The following CSPP1 variants were observed in gnomAD, a reference collection of about 807,000 sequenced individuals.
CSPP1 encodes centrosome and spindle pole-associated protein 1.
CSPP1 carries 126 observed loss-of-function variants against 164.4 expected under a neutral mutation model. The ratio of observed to expected loss-of-function variants is 0.77; its 90% CI spans 0.66 to 0.89. The LOEUF (loss-of-function observed/expected upper bound fraction) is 0.89. Among genes scored for constraint, CSPP1 ranks in the 40% least tolerant of loss-of-function variants. CSPP1 has a pLI of 0.00. For missense variants in CSPP1, 1,395 were observed against 1,449.8 expected, an observed-to-expected ratio of 0.96 and a Z score of 0.61; for synonymous variants, 472 against 476.7, an observed-to-expected ratio of 0.99 and a Z score of 0.13.
chr8:67,130,603 A>G (rs1156789126), intron 15 of CSPP1, among the ~76,000 whole-genome samples: 1 of 152,218 alleles, frequency 6.6e-6, no homozygotes, highest in Non-Finnish European at 1.5e-5. Context: ...ATCCTAATAA[A>G]AGATTGTAAA....
intron 9 of CSPP1, among the ~76,000 whole-genome samples, chr8:67,110,056 G>A (rs564166785): frequency 9.6e-4 from 146 of 151,932 alleles, no homozygotes; most frequent in African/African-American, 3.4e-3. Flanking sequence ...TTCCCACCAT[G>A]AATATGCCTA....
intron 4 of CSPP1, among the ~76,000 whole-genome samples, chr8:67,087,151 C>T (rs1304887347): frequency 1.4e-5 from 2 of 143,214 alleles, no homozygotes; most frequent in Non-Finnish European, 3.0e-5. Context: ...TTTCAGCATG[C>T]AATTTTTTAT....
chr8:67,155,454 C>A (rs1242263639), intron 19 of CSPP1, among the ~76,000 whole-genome samples: 2 of 152,090 alleles, frequency 1.3e-5, no homozygotes, highest in Non-Finnish European at 2.9e-5. Flanking sequence ...CCTAATTATT[C>A]TTGACTCTTA....
At chr8:67,127,480 T>G (rs1171815461) in intron 15 of CSPP1, among the ~76,000 whole-genome samples, 3 of 152,184 alleles carry the variant, frequency 2.0e-5, no homozygotes, top group African/African-American at 7.2e-5. Context: ...CCTCCTGATC[T>G]CATCTAAACC....
chr8:67,139,725 C>T (rs2129555699), intron 17 of CSPP1, among the ~76,000 whole-genome samples: 1 of 152,270 alleles, frequency 6.6e-6, no homozygotes, highest in Non-Finnish European at 1.5e-5. Context: ...CCATCATTCT[C>T]AGCAAACTAT....
chr8:67,112,167 G>C, intron 10 of CSPP1, 102 bp downstream of exon 10: 1 of 607,570 alleles, frequency 1.6e-6, no homozygotes, highest in South Asian at 2.3e-5. Flanking sequence ...TATGATGTTT[G>C]ATTTGTAAAT....
chr8:67,140,948 T>C (rs1333342682), intron 17 of CSPP1, among the ~76,000 whole-genome samples: 3 of 152,212 alleles, frequency 2.0e-5, no homozygotes, highest in Non-Finnish European at 2.9e-5. Context: ...CTAACCTAAC[T>C]GCTTGGGAGG....
At chr8:67,097,938 C>A (rs921452302) in intron 7 of CSPP1, among the ~76,000 whole-genome samples, 1 of 151,018 alleles carries the variant, frequency 6.6e-6, no homozygotes. Flanking sequence ...ATTTTTATTT[C>A]GTTTTTATAT....
At chr8:67,085,476 CATGTT>C (rs1374589632) in intron 3 of CSPP1, among the ~76,000 whole-genome samples, 1 of 151,364 alleles carries the variant, frequency 6.6e-6, no homozygotes, top group East Asian at 1.9e-4. Flanking sequence ...TAAAAAAAAT[CATGTT>C]ATTAGTTTTC....
chr8:67,077,983 A>C (rs1197918238), intron 3 of CSPP1, among the ~76,000 whole-genome samples: 1 of 152,196 alleles, frequency 6.6e-6, no homozygotes, highest in Non-Finnish European at 1.5e-5. Flanking sequence ...ATATTGGTAA[A>C]ATTTTTTAAT....
intron 4 of CSPP1, 80 bp downstream of exon 4, chr8:67,086,190 A>G (rs775796126): frequency 1.6e-5 from 13 of 793,222 alleles, no homozygotes. Context: ...TATTAGTCAT[A>G]TGTGTTAATT....
chr8:67,117,232 T>C (rs1240631990), intron 13 of CSPP1, among the ~76,000 whole-genome samples: 1 of 152,214 alleles, frequency 6.6e-6, no homozygotes, highest in Non-Finnish European at 1.5e-5. Context: ...TTGACATTTT[T>C]GTTGATGTAT....
At chr8:67,194,236 T>C (rs1476146065) in intron 30 of CSPP1, among the ~76,000 whole-genome samples, 2 of 152,230 alleles carry the variant, frequency 1.3e-5, no homozygotes, top group Non-Finnish European at 2.9e-5. Context: ...ATATTGGTAA[T>C]AATAATAGTT....
At chr8:67,153,987 G>C (rs1176615063) in intron 18 of CSPP1, 37 bp from the exon 19 acceptor site, 2 of 896,046 alleles carry the variant, frequency 2.2e-6, no homozygotes, top group Non-Finnish European at 3.7e-6. Flanking sequence ...TCTAAGCATT[G>C]GCTAATAGTA....
chr8:67,083,548 A>AATATATATATATAT (rs55758408), intron 3 of CSPP1: 5 of 91,496 alleles, frequency 5.5e-5, no homozygotes, highest in African/African-American at 2.2e-4. Flanking sequence ...AAAAAAAAAA[A>AATATATATATATAT]ATATATATAT....
intron 29 of CSPP1, among the ~76,000 whole-genome samples, 175 bp from the exon 30 acceptor site, chr8:67,193,289 G>T (rs1287207962): frequency 6.6e-6 from 1 of 152,116 alleles, no homozygotes; most frequent in Non-Finnish European, 1.5e-5. Flanking sequence ...TAGAGATGGG[G>T]TTTCACCATG....
In CSPP1 at chr8:67,118,316, A is replaced by G. The variant is rs1373341523; in HGVS notation, c.1565A>G (p.Asp522Gly). The G allele has an allele frequency of 1.2e-6, 2 of 1,613,456 alleles. No homozygotes were observed. The highest frequency in any genetic ancestry group is 2.2e-5 in the East Asian group (1 of 44,838). The change falls in exon 14 of 31, where the codon GAT becomes GGT. Residue 522 changes from aspartate (D) to glycine (G), a missense_variant. By Grantham distance (94) the Asp-to-Gly change is moderately conservative. Coordinates refer to ENST00000678616, the MANE Select transcript of CSPP1 (RefSeq NM_001382391.1). ...LATNYRTPYD[D>G]AYYFYGSRNT... is the part of the protein sequence containing the mutation. ...ACTAACTATCGAACTCCTTATGATG[A>G]TGCATACTATTTTTATGGGTCCAGG...
At position 67,095,701 on chromosome 8, in the gene CSPP1, A is replaced by G. The variant is rs537754604; in HGVS notation, c.892A>G (p.Arg298Gly). 1 of 1,604,196 alleles carries G rather than the reference A, an allele frequency of 6.2e-7. No individual in the cohort carries two copies. Among genetic ancestry groups the G allele is most frequent in the Admixed American group, 1.7e-5 (1 of 58,690 alleles). Residue 298 changes from arginine (R) to glycine (G), a missense_variant, in exon 7 of 31, where the codon AGA becomes GGA. By Grantham distance (125) the Arg-to-Gly change is moderately radical. Transcript: ENST00000678616. ...ERFRYESDFD[R>G]RLSRVYTNDR... Reference sequence around the variant, plus strand: ...GTTTAGATATGAAAGTGATTTTGATAGAAGACTTTCGAGAGTGTATACAAA... The same window carrying G: ...GTTTAGATATGAAAGTGATTTTGATGGAAGACTTTCGAGAGTGTATACAAA...
chr8:67,177,900 C>T (rs1832080200), intron 27 of CSPP1, among the ~76,000 whole-genome samples, 174 bp downstream of exon 27: 2 of 152,062 alleles, frequency 1.3e-5, no homozygotes, highest in Admixed American at 6.6e-5. Context: ...ATATAGAAAA[C>T]ATATTGTAAT....
Sources: gnomAD v4.1 joint callset for allele counts (sites outside exome capture counted in the v4.1 genomes callset) on GRCh38, gnomAD v4.1.1 for gene constraint, MANE v1.5 for transcripts, NCBI Gene and HGNC (gene_info 2026-07-23, HGNC 2026-07-21) for gene names.